The following RABGAP1L variants were observed in gnomAD, a reference collection of about 807,000 sequenced individuals.
RABGAP1L encodes the protein rab GTPase-activating protein 1-like.
In RABGAP1L, 63 loss-of-function variants were observed where a neutral mutation model predicts 137.7. That is an observed-to-expected ratio of 0.46 (90% CI 0.37 to 0.56). The LOEUF is 0.56. Among genes scored for constraint, RABGAP1L ranks in the 20% least tolerant of loss-of-function variants. The probability of loss-of-function intolerance (pLI) is 0.00; values close to 1 mark genes in which losing one functional copy is unlikely to be tolerated. For synonymous variants in RABGAP1L, 431 were observed against 433.7 expected, an observed-to-expected ratio of 0.99 and a Z score of 0.08; for missense variants, 1,095 against 1,244.0, an observed-to-expected ratio of 0.88 and a Z score of 1.80.
At chr1:174,437,434 G>T (rs1416419409) in intron 13 of RABGAP1L, among the ~76,000 whole-genome samples, 1 of 152,200 alleles carries the variant, frequency 6.6e-6, no homozygotes, top group African/African-American at 2.4e-5. Context: ...ACGAGCCTCA[G>T]TAACCGATTC....
At chr1:174,256,491 C>T (rs1188673855) in intron 7 of RABGAP1L, among the ~76,000 whole-genome samples, 3 of 151,880 alleles carry the variant, frequency 2.0e-5, no homozygotes, top group African/African-American at 7.3e-5. Flanking sequence ...ACATTAAGAC[C>T]ATGAAAATAT....
intron 14 of RABGAP1L, among the ~76,000 whole-genome samples, chr1:174,682,363 T>A (rs975706397): frequency 4.0e-5 from 6 of 151,204 alleles, no homozygotes; most frequent in South Asian, 2.1e-4. Context: ...ACTAAATTTT[T>A]AAAAAAATTC....
chr1:174,350,488 C>T (rs1431346542), intron 11 of RABGAP1L, among the ~76,000 whole-genome samples: 45 of 73,510 alleles, frequency 6.1e-4, no homozygotes, highest in Middle Eastern at 0.014. Context: ...ACATCTCAGA[C>T]GATGGGCTGC....
chr1:174,881,319 T>C (rs1325353824), intron 19 of RABGAP1L, among the ~76,000 whole-genome samples: 1 of 152,036 alleles, frequency 6.6e-6, no homozygotes, highest in Non-Finnish European at 1.5e-5. Context: ...TAATATTGTT[T>C]TATATATCAA....
intron 14 of RABGAP1L, among the ~76,000 whole-genome samples, chr1:174,657,079 A>G (rs1435002725): frequency 1.3e-5 from 2 of 152,134 alleles, no homozygotes; most frequent in African/African-American, 4.8e-5. Context: ...CAAAGCCTTT[A>G]TGGATGTCTC....
At chr1:174,183,407 TGAGCCACTGTGC>T (rs1238933277) in intron 1 of RABGAP1L, among the ~76,000 whole-genome samples, 1 of 152,162 alleles carries the variant, frequency 6.6e-6, no homozygotes, top group African/African-American at 2.4e-5. Flanking sequence ...ATTACAGGTG[TGAGCCACTGTGC>T]GAGCCGCTGT....
intron 14 of RABGAP1L, among the ~76,000 whole-genome samples, chr1:174,666,063 G>A (rs1490476936): frequency 6.6e-6 from 1 of 152,108 alleles, no homozygotes; most frequent in African/African-American, 2.4e-5. Flanking sequence ...AGCTAATTGT[G>A]GGACTACTGA....
intron 14 of RABGAP1L, among the ~76,000 whole-genome samples, chr1:174,651,385 A>G (rs900271710): frequency 2.0e-5 from 3 of 152,214 alleles, no homozygotes; most frequent in Middle Eastern, 3.4e-3. Context: ...ATTCCCAGGT[A>G]TCCTTGTTAA....
Position 174,821,723 on chromosome 1 carries a change from A to T in RABGAP1L, c.2340+9763A>T, listed in dbSNP as rs76919667. Among the ~76,000 whole-genome samples the T allele has an allele frequency of 2.5e-4, 38 of 152,338 alleles. 1 individual carries two copies. In the East Asian group the frequency reaches 6.9e-3, roughly 28 times the overall value. On this transcript the variant is annotated intron_variant, in intron 19 of 25. Transcript: ENST00000681986. ...ACGTGAACAAGAATGTACTCTCTGAAATAGAGGCTTTCTTTGAATTAGCAC... is the reference window on the plus strand; with the variant it reads ...ACGTGAACAAGAATGTACTCTCTGATATAGAGGCTTTCTTTGAATTAGCAC...
chr1:174,394,264 T>A (rs1378124197), intron 13 of RABGAP1L, 119 bp downstream of exon 13: 1 of 1,181,596 alleles, frequency 8.5e-7, no homozygotes, highest in Non-Finnish European at 1.2e-6. Context: ...ATTGAGGTCG[T>A]GAAGTCAGTA....
chr1:174,227,101 T>G (rs1319479129), intron 3 of RABGAP1L, among the ~76,000 whole-genome samples: 1 of 152,204 alleles, frequency 6.6e-6, no homozygotes, highest in East Asian at 1.9e-4. Context: ...TTTTCTCACT[T>G]GTATAAATAC....
At chr1:174,308,850 A>G (rs1208277162) in intron 11 of RABGAP1L, among the ~76,000 whole-genome samples, 1 of 151,596 alleles carries the variant, frequency 6.6e-6, no homozygotes, top group South Asian at 2.1e-4. Flanking sequence ...TGCTTCACCT[A>G]TTTGGGATCC....
intron 13 of RABGAP1L, among the ~76,000 whole-genome samples, chr1:174,567,141 C>T (rs1410452017): frequency 6.6e-6 from 1 of 152,014 alleles, no homozygotes; most frequent in East Asian, 1.9e-4. Context: ...TCATTATCCC[C>T]AACAAAAACT....
At chr1:174,350,914 C>A (rs1174747113) in intron 11 of RABGAP1L, among the ~76,000 whole-genome samples, 10 of 112,214 alleles carry the variant, frequency 8.9e-5, no homozygotes, top group Non-Finnish European at 1.9e-4. Context: ...CACAGCGAAA[C>A]CCCGTCTCCA....
intron 11 of RABGAP1L, among the ~76,000 whole-genome samples, chr1:174,308,635 G>C (rs1257646373): frequency 6.6e-6 from 1 of 151,860 alleles, no homozygotes; most frequent in Non-Finnish European, 1.5e-5. Context: ...TGAAGAGACT[G>C]TTCTTTCCCC....
In RABGAP1L at chr1:174,758,391, CA is replaced by C. The variant is rs778239503; in HGVS notation, c.2211+6038del. ...TTGATCTTATTCATTCCCCTGGTTTCATCTATAAATGTTTACTCTCATTTAT... is the reference window on the plus strand; with the variant it reads ...TTGATCTTATTCATTCCCCTGGTTTCTCTATAAATGTTTACTCTCATTTAT... On this transcript the variant is annotated intron_variant, in intron 18 of 25. Transcript: ENST00000681986. 3.9e-5 allele frequency among the ~76,000 whole-genome samples: 6 copies of C among 152,156 alleles called. No homozygotes were observed. The East Asian group carries it at 1.2e-3, about 29-fold the overall frequency.
chr1:174,356,427 C>T (rs1016133852), intron 11 of RABGAP1L, among the ~76,000 whole-genome samples: 12 of 151,860 alleles, frequency 7.9e-5, no homozygotes, highest in Non-Finnish European at 1.3e-4. Context: ...TGTGTGTTTT[C>T]ACCCCAATTT....
At chr1:174,534,881 C>G (rs1456404593) in intron 13 of RABGAP1L, among the ~76,000 whole-genome samples, 1 of 149,070 alleles carries the variant, frequency 6.7e-6, no homozygotes, top group Non-Finnish European at 1.5e-5. Flanking sequence ...ATAAGGGTTA[C>G]TTGAACATAG....
In RABGAP1L at chr1:174,159,531, CCCT is replaced by C. The variant is rs1664228517; in HGVS notation, c.-155_-153del. On this transcript the variant is annotated 5_prime_UTR_variant, in exon 1 of 26. Coordinates refer to ENST00000681986, the MANE Select transcript of RABGAP1L (RefSeq NM_001366446.1). ...TCCCCTCCCCTCTCAGTTCCCTCCG[CCCT>C]CCTCGGGCTCCAGCGGTGGCGGAGC... The C allele has an allele frequency of 6.6e-6, 1 of 152,324 alleles. No individual in the cohort carries two copies. The highest frequency in any genetic ancestry group is 1.9e-4 in the East Asian group (1 of 5,190). The allele number at this position is 152,324 out of a possible 1,614,324, so 9.4% of individuals were successfully genotyped here.
Sources: allele counts gnomAD v4.1 joint callset (sites outside exome capture counted in the v4.1 genomes callset), GRCh38; gene constraint gnomAD v4.1.1; transcripts MANE v1.5; gene names NCBI Gene and HGNC (gene_info 2026-07-23, HGNC 2026-07-21).